The following SLC22A31 variants were observed in gnomAD, a reference collection of about 807,000 sequenced individuals.
The protein encoded by SLC22A31 is solute carrier family 22 member 31, also known as putative solute carrier family 22 member 31.
Under a neutral mutation model 27.4 loss-of-function variants are expected in SLC22A31, and 42 were observed. That is an observed-to-expected ratio of 1.53 (90% CI 1.20 to 1.98). SLC22A31 has a LOEUF of 1.98. SLC22A31 is among the 30% of genes most tolerant of loss of function. The pLI is 0.00. For synonymous variants in SLC22A31, 290 were observed against 230.8 expected (o/e 1.26, Z -2.33); for missense variants, 593 against 479.9 (o/e 1.24, Z -2.20).
In SLC22A31 at chr16:89,199,044, C is replaced by T. The variant is rs375247169; in HGVS notation, c.431G>A (p.Gly144Glu). The T allele has an allele frequency of 2.6e-6, 4 of 1,535,662 alleles. No homozygotes were observed. The Admixed American group carries it at 5.9e-5, about 23-fold the overall frequency. ...TTACCCCCAAAAGAGCAGCAAGAGT[C>T]CACTCATCAGGGCACCCAGCCCCTG... ...LLQGLGALMS[G>E]LLLLFWGFPA... Residue 144 changes from glycine (G) to glutamate (E), a missense_variant, in exon 4 of 9, where the codon GGA (glycine) becomes GAA (glutamate). Gly to Glu is a moderately conservative substitution (Grantham distance 98). Transcript: ENST00000682282.
rs1225264278 is a variant in SLC22A31, at chr16:89,196,029, G to A, written c.1311C>T (p.Tyr437=). 1 of 1,524,970 alleles carries A rather than the reference G, an allele frequency of 6.6e-7. No individual in the cohort carries two copies. The allele number at this position is 1,524,970 out of a possible 1,614,324, so 94.5% of individuals were successfully genotyped here. Residue 437 remains tyrosine (Y), a synonymous_variant, in exon 9 of 9, where the codon TAC becomes TAT. Coordinates refer to ENST00000682282, the MANE Select transcript of SLC22A31 (RefSeq NM_001384763.1). ...HLPLLPPSNS[Y]WAGHTPEQH ...GCTGCTCGGGGGTGTGGCCGGCCCA[G>A]TAGGAGTTGGAGGGCGGCAGCAGAG...
At chr16:89,198,585 G>T (rs1407791726) in intron 5 of SLC22A31, 35 bp from the exon 6 acceptor site, 1 of 1,516,622 alleles carries the variant, frequency 6.6e-7, no homozygotes, top group African/African-American at 1.4e-5. Flanking sequence ...AGGGGGGTGA[G>T]GAGCTGTGCC....
chr16:89,200,563 G>A (rs1004464296), upstream of SLC22A31, among the ~76,000 whole-genome samples: 8 of 152,218 alleles, frequency 5.3e-5, no homozygotes, highest in African/African-American at 1.4e-4. Context: ...GCAGGGTGGA[G>A]AGAGAAGCCC....
chr16:89,199,024 C>A lies in SLC22A31; in HGVS notation c.451G>T (p.Gly151Trp). 7 of 1,535,266 alleles carry A rather than the reference C, an allele frequency of 4.6e-6. No individual in the cohort carries two copies. The highest frequency in any genetic ancestry group is 6.1e-6 in the Non-Finnish European group (7 of 1,146,564). The change falls in exon 4 of 9, where the codon GGG becomes TGG. Residue 151 changes from glycine to tryptophan, a missense_variant and splice_region_variant. Transcript: ENST00000682282. The part of the protein sequence containing the change: ...LMSGLLLLFW[G>W]FPALFPESPC... ...TGGCCCAGCTCCCACCACACTTACC[C>A]CCAAAAGAGCAGCAAGAGTCCACTC...
chr16:89,197,397 C>T lies in SLC22A31; in HGVS notation c.935G>A (p.Trp312Ter), dbSNP rs1248776086. 6.5e-7 allele frequency: 1 copy of T among 1,535,644 alleles called. No individual in the cohort carries two copies. ...CAGGACAGAGAGGAACAGCACAGTC[C>T]AGCCTGGCAGATCTGGGGACAAAGA... ...LLAGAQYLPGWTVLFLSVLGL... is the reference protein window; with the variant it reads ...LLAGAQYLPG Residue 312 changes from tryptophan to a stop codon, truncating the protein, a stop_gained, in exon 8 of 9, where the codon TGG (tryptophan) becomes TAG (stop). Coordinates refer to ENST00000682282, the MANE Select transcript of SLC22A31 (RefSeq NM_001384763.1). LOFTEE classifies it high-confidence loss of function.
chr16:89,196,498 G>A (rs1915939322), intron 8 of SLC22A31, 193 bp from the exon 9 acceptor site: 2 of 1,044,724 alleles, frequency 1.9e-6, no homozygotes, highest in Non-Finnish European at 2.7e-6. Flanking sequence ...GGGGCAGCTG[G>A]TGGGGCAACA....
In SLC22A31 at chr16:89,196,124, A is replaced by G; in HGVS notation, c.1216T>C (p.Ser406Pro). The G allele has an allele frequency of 6.5e-7, 1 of 1,534,636 alleles. No individual in the cohort carries two copies. Among genetic ancestry groups the G allele is most frequent in the Non-Finnish European group, 8.7e-7 (1 of 1,146,484 alleles). ...CGCAGGCGGTCGGCGTCCTGCAGTGACTGGGGCAGCCCCCGGCTTCGGCTC... is the reference window on the plus strand; with the variant it reads ...CGCAGGCGGTCGGCGTCCTGCAGTGGCTGGGGCAGCCCCCGGCTTCGGCTC... Reference protein sequence around the residue: ...PESRSRGLPQSLQDADRLRRS... With the variant: ...PESRSRGLPQPLQDADRLRRS... Residue 406 changes from serine (S) to proline (P), a missense_variant, in exon 9 of 9, where the codon TCA becomes CCA. Coordinates refer to ENST00000682282, the MANE Select transcript of SLC22A31 (RefSeq NM_001384763.1).
intron 1 of SLC22A31, 39 bp from the exon 2 acceptor site, chr16:89,199,855 C>T (rs1916380033): frequency 2.5e-6 from 1 of 401,548 alleles, no homozygotes; most frequent in Non-Finnish European, 4.4e-6. Flanking sequence ...CAGCTCAGGA[C>T]CCTCCCCTGG....
intron 2 of SLC22A31, 40 bp from the exon 3 acceptor site, chr16:89,199,607 T>A (rs1304317246): frequency 7.2e-6 from 3 of 419,128 alleles, no homozygotes; most frequent in Non-Finnish European, 1.3e-5. Flanking sequence ...AGGGTCAGGA[T>A]AACCCAGGGT....
In SLC22A31 at chr16:89,197,547, C is replaced by T; in HGVS notation, c.923-138G>A. The T allele has an allele frequency of 3.2e-6, 2 of 621,426 alleles. 1 individual carries two copies. Among genetic ancestry groups the T allele is most frequent in the East Asian group, 5.6e-5 (2 of 35,814 alleles). The allele number at this position is 621,426 out of a possible 1,614,324, so 38.5% of individuals were successfully genotyped here. A position where few individuals can be genotyped will look rare whatever the true frequency, so the allele number is the denominator to read the frequency against. ...CTCCTTTTCCAGCCCCCCTGAGAAACCTGGAGGGGGAACCTGTCCTCTGCA... is the reference window on the plus strand; with the variant it reads ...CTCCTTTTCCAGCCCCCCTGAGAAATCTGGAGGGGGAACCTGTCCTCTGCA... On this transcript the variant is annotated intron_variant, in intron 7 of 8. Coordinates refer to ENST00000682282, the MANE Select transcript of SLC22A31 (RefSeq NM_001384763.1).
chr16:89,196,536 A>C, intron 8 of SLC22A31: 1 of 726,522 alleles, frequency 1.4e-6, no homozygotes, highest in Non-Finnish European at 2.2e-6. Flanking sequence ...GTGACTCCAG[A>C]GTGAGCAGGG....
chr16:89,201,597 G>A (rs1007768195), upstream of SLC22A31: 2 of 398,606 alleles, frequency 5.0e-6, no homozygotes. Flanking sequence ...CCACGAGGCG[G>A]AGGCCAGCAG....
At chr16:89,201,484 G>A, upstream of SLC22A31, 1 of 395,522 alleles carries the variant, frequency 2.5e-6, no homozygotes, top group Non-Finnish European at 4.5e-6. Context: ...AGGGCGCGCA[G>A]CGCTGGGGGC....
chr16:89,198,070 C>G, intron 7 of SLC22A31, 52 bp downstream of exon 7: 3 of 1,518,888 alleles, frequency 2.0e-6, no homozygotes, highest in South Asian at 1.2e-5. Flanking sequence ...TGTGGCAGAC[C>G]GTCGGCCCAA....
upstream of SLC22A31, chr16:89,201,571 G>C: frequency 2.5e-6 from 1 of 398,830 alleles, no homozygotes; most frequent in Non-Finnish European, 4.4e-6. Context: ...ACCAGCCCCA[G>C]CACTATGCAG....
chr16:89,198,171 G>A lies in SLC22A31; in HGVS notation c.873C>T (p.Gly291=). 1 of 1,535,254 alleles carries A rather than the reference G, an allele frequency of 6.5e-7. No homozygotes were observed. The highest frequency in any genetic ancestry group is 8.7e-7 in the Non-Finnish European group (1 of 1,146,814). The change falls in exon 7 of 9, where the codon GGC becomes GGT. Residue 291 remains glycine, a synonymous_variant. Transcript: ENST00000682282. The stretch of plus-strand genomic sequence containing the variant: ...GGGATGCCAGGCCTGTGACCATGGT[G>A]CCCAGCAGCAGCACGGGGCGGCGTC... ...CCGRRPVLLL[G]TMVTGLASLL...
Position 89,198,814 on chromosome 16 carries a change from G to T in SLC22A31, c.453-17C>A, listed in dbSNP as rs1273000093. On this transcript the variant is annotated splice_polypyrimidine_tract_variant and intron_variant, in intron 4 of 8. Coordinates refer to ENST00000682282, the MANE Select transcript of SLC22A31 (RefSeq NM_001384763.1). The stretch of plus-strand genomic sequence containing the variant: ...GCCGGGAACCTGCAGCGTTGGTGAG[G>T]ATGCCCACGGCTCCCTCCACCTCCT... 1 of 1,522,444 alleles carries T rather than the reference G, an allele frequency of 6.6e-7. No homozygotes were observed. The highest frequency in any genetic ancestry group is 2.5e-5 in the East Asian group (1 of 40,524). 94.3% of individuals were successfully genotyped at this position (1,522,444 alleles called of 1,614,324 possible). A position where few individuals can be genotyped will look rare whatever the true frequency, so the allele number is the denominator to read the frequency against.
chr16:89,199,185 T>G lies in SLC22A31; in HGVS notation c.290A>C (p.Glu97Ala), dbSNP rs912428493. Residue 97 changes from glutamate to alanine, a missense_variant, in exon 4 of 9, where the codon GAG (glutamate) becomes GCG (alanine). Glu to Ala is a moderately radical substitution (Grantham distance 107). Transcript: ENST00000682282. ...CAGGCGGTGGGGAGGGTCACACAAC[T>G]CCAGGCCTGGGCAGACACAGACAGG... The part of the protein sequence containing the change: ...ALLALYLARL[E>A]LCDPPHRLAF... The G allele has an allele frequency of 1.5e-5, 23 of 1,526,128 alleles. No homozygotes were observed. The African/African-American group carries it at 3.2e-4, about 21-fold the overall frequency. 94.5% of individuals were successfully genotyped at this position (1,526,128 alleles called of 1,614,324 possible).
rs559452735 is a variant in SLC22A31 at position 89,196,228 on chromosome 16, C to A, written c.1112G>T (p.Arg371Leu). The change falls in exon 9 of 9, where the codon CGG (arginine) becomes CTG (leucine). Residue 371 changes from arginine to leucine, a missense_variant. Arg to Leu is a moderately radical substitution (Grantham distance 102). Coordinates refer to ENST00000682282, the MANE Select transcript of SLC22A31 (RefSeq NM_001384763.1). ...AAGPLDTLHG[R>L]QGFFLQQVVF... Reference sequence around the variant, plus strand: ...GACTTGTTGCAGGAAGAAGCCCTGCCGGCCGTGCAGGGTGTCCAGGGGGCC... The same window carrying A: ...GACTTGTTGCAGGAAGAAGCCCTGCAGGCCGTGCAGGGTGTCCAGGGGGCC... 9 of 1,534,558 alleles carry A rather than the reference C, an allele frequency of 5.9e-6. No individual in the cohort carries two copies. The South Asian group carries it at 9.5e-5, about 16-fold the overall frequency.
Sources: gnomAD v4.1 joint callset for allele counts (sites outside exome capture counted in the v4.1 genomes callset) on GRCh38, gnomAD v4.1.1 for gene constraint, MANE v1.5 for transcripts, NCBI Gene and HGNC (gene_info 2026-07-23, HGNC 2026-07-21) for gene names.